EIF2A: variants seen among roughly 807,000 people sequenced by gnomAD.
The protein encoded by EIF2A is eukaryotic translation initiation factor 2A.
Under a neutral mutation model 75.2 loss-of-function variants are expected in EIF2A, and 62 were observed. The observed-to-expected ratio is 0.82, with a 90% CI of 0.67 to 1.02. The LOEUF is 1.02. EIF2A is among the 50% of genes least tolerant of loss of function. The pLI, the probability that EIF2A is intolerant of heterozygous loss-of-function variation, is 0.00. For missense variants in EIF2A, 611 were observed against 677.7 expected (o/e 0.90, Z 1.09); for synonymous variants, 207 against 239.0 (o/e 0.87, Z 1.23).
rs551415422 is a variant in EIF2A at position 150,578,315 on chromosome 3, T to C, written c.1497+2553T>C. Among the ~76,000 whole-genome samples the C allele has an allele frequency of 2.7e-3, 401 of 148,512 alleles. 1 individual carries two copies. The highest frequency in any genetic ancestry group is 4.5e-3 in the Non-Finnish European group (300 of 67,258). On this transcript the variant is annotated intron_variant, in intron 11 of 13. Transcript: ENST00000460851. ...ATTAATAATTATAACCATTAATTAATATACTAAATTATAATTGTATTAATT... is the reference window on the plus strand; with the variant it reads ...ATTAATAATTATAACCATTAATTAACATACTAAATTATAATTGTATTAATT...
chr3:150,567,992 G>A lies in EIF2A; in HGVS notation c.640G>A (p.Ala214Thr). Residue 214 changes from alanine to threonine, a missense_variant, in exon 8 of 14, where the codon GCT becomes ACT. Ala to Thr is a moderately conservative substitution (Grantham distance 58, BLOSUM62 0). Coordinates refer to ENST00000460851, the MANE Select transcript of EIF2A (RefSeq NM_032025.5). ...CTTTGCTGGACCTCATGCAGCTTTA[G>A]CTAATAAAAGTTTCTTTAAGGCAGA... ...PNFAGPHAALANKSFFKADKV... is the reference protein window; with the variant it reads ...PNFAGPHAALTNKSFFKADKV... 1 of 1,613,134 alleles carries A rather than the reference G, an allele frequency of 6.2e-7. No homozygotes were observed. Among genetic ancestry groups the A allele is most frequent in the African/African-American group, 1.3e-5 (1 of 74,986 alleles).
intron 11 of EIF2A, among the ~76,000 whole-genome samples, chr3:150,579,699 CT>C (rs1231793959): frequency 8.6e-6 from 1 of 115,668 alleles, no homozygotes; most frequent in Admixed American, 9.4e-5. Context: ...TAGACTCTGT[CT>C]CCAAAAAAAA....
intron 10 of EIF2A, among the ~76,000 whole-genome samples, chr3:150,573,013 A>G (rs142038672): frequency 3.3e-5 from 5 of 152,120 alleles, no homozygotes; most frequent in African/African-American, 1.2e-4. Flanking sequence ...TGTATTTATC[A>G]TATTTATTTA....
intron 10 of EIF2A, among the ~76,000 whole-genome samples, chr3:150,574,171 A>C (rs1490716630): frequency 6.6e-6 from 1 of 152,168 alleles, no homozygotes; most frequent in African/African-American, 2.4e-5. Flanking sequence ...TGAGAAATTA[A>C]AATGTGTTCA....
chr3:150,583,825 CA>C lies in EIF2A; in HGVS notation c.1693-20del. Reference sequence around the variant, plus strand: ...TCCAGTAATTATTTCATAATAACTTCATTGTTTCAAACTTTTCTAGTTGGAG... The same window carrying C: ...TCCAGTAATTATTTCATAATAACTTCTTGTTTCAAACTTTTCTAGTTGGAG... On this transcript the variant is annotated intron_variant, in intron 13 of 13. Transcript: ENST00000460851. 1 of 1,610,174 alleles carries C rather than the reference CA, an allele frequency of 6.2e-7. No homozygotes were observed. Among genetic ancestry groups the C allele is most frequent in the Non-Finnish European group, 8.5e-7 (1 of 1,177,602 alleles).
At chr3:150,547,193 A>G (rs1209453268) in intron 1 of EIF2A, 1 of 282,688 alleles carries the variant, frequency 3.5e-6, no homozygotes, top group African/African-American at 2.1e-5. Flanking sequence ...ATAAGAACAA[A>G]GACAAACATG....
At chr3:150,571,261 T>G (rs1172785917) in intron 9 of EIF2A, among the ~76,000 whole-genome samples, 3 of 151,282 alleles carry the variant, frequency 2.0e-5, no homozygotes, top group Admixed American at 6.6e-5. Context: ...TGCCTCAGCC[T>G]CCTGAGTAGC....
rs780875918 is a variant in EIF2A, at chr3:150,568,234, T to C, written c.753T>C (p.Tyr251=). ...TTGACAAGACAGGAGCTTCCTACTA[T>C]GGAGAACAAACTCTACACTACATTG... The part of the protein sequence containing the change: ...TDVDKTGASY[Y]GEQTLHYIAT... The change falls in exon 9 of 14, where the codon TAT becomes TAC. Residue 251 remains tyrosine (Y), a synonymous_variant. Transcript: ENST00000460851. The C allele has an allele frequency of 6.8e-6, 11 of 1,613,700 alleles. No homozygotes were observed. Among genetic ancestry groups the C allele is most frequent in the East Asian group, 2.2e-5 (1 of 44,846 alleles).
At position 150,558,366 on chromosome 3, in the gene EIF2A, CTT is replaced by C. The variant is rs11379788; in HGVS notation, c.99-13_99-12del. 6.0e-6 allele frequency: 8 copies of C among 1,335,766 alleles called. No homozygotes were observed. Among genetic ancestry groups the C allele is most frequent in the Admixed American group, 6.5e-5 (2 of 30,970 alleles). The allele number at this position is 1,335,766 out of a possible 1,614,324, so 82.7% of individuals were successfully genotyped here. A position where few individuals can be genotyped will look rare whatever the true frequency, so the allele number is the denominator to read the frequency against. On this transcript the variant is annotated intron_variant, in intron 2 of 13. Coordinates refer to ENST00000460851, the MANE Select transcript of EIF2A (RefSeq NM_032025.5). ...AGTATTAATGCTTATTCATTTAAAC[CTT>C]TTTTTTTTGTCATTTTCAGGGAATC...
At chr3:150,560,166 G>T (rs1011796219) in intron 3 of EIF2A, among the ~76,000 whole-genome samples, 38 of 152,030 alleles carry the variant, frequency 2.5e-4, no homozygotes, top group Admixed American at 7.9e-4. Flanking sequence ...CCTTCTATGG[G>T]ATTCAACTCT....
intron 3 of EIF2A, among the ~76,000 whole-genome samples, chr3:150,560,283 C>T (rs1723781132): frequency 6.6e-6 from 1 of 152,132 alleles, no homozygotes; most frequent in Admixed American, 6.5e-5. Context: ...CACAATGGTA[C>T]TTATTGTTCT....
intron 2 of EIF2A, chr3:150,553,006 A>T (rs1233725375): frequency 6.6e-6 from 1 of 152,244 alleles, no homozygotes; most frequent in Non-Finnish European, 1.5e-5. Flanking sequence ...GGACCATATA[A>T]TTGTTTTAAA....
rs1436388356 is a variant in EIF2A at position 150,547,090 on chromosome 3, G to T, written c.28+260G>T. On this transcript the variant is annotated intron_variant, in intron 1 of 13. Transcript: ENST00000460851. ...TTCATCTTCTACAGAAATAGAAGAA[G>T]GGGGAGAAAAACAATGTGCTAGTTG... The T allele has an allele frequency of 5.4e-6, 3 of 550,806 alleles. No homozygotes were observed. The African/African-American group carries it at 5.7e-5, about 10-fold the overall frequency. 34.1% of individuals were successfully genotyped at this position (550,806 alleles called of 1,614,324 possible). A position where few individuals can be genotyped will look rare whatever the true frequency, so the allele number is the denominator to read the frequency against.
At chr3:150,559,498 C>CTTTTTT (rs36038911) in intron 3 of EIF2A, among the ~76,000 whole-genome samples, 4 of 110,574 alleles carry the variant, frequency 3.6e-5, no homozygotes, top group Non-Finnish European at 7.0e-5. Flanking sequence ...ATGCCCAGCC[C>CTTTTTT]TTTTTTTTTT....
chr3:150,560,525 A>G (rs1723792673), intron 3 of EIF2A, among the ~76,000 whole-genome samples: 1 of 152,220 alleles, frequency 6.6e-6, no homozygotes, highest in African/African-American at 2.4e-5. Flanking sequence ...AAAACAAGAA[A>G]GCGTCTTGTA....
chr3:150,573,939 G>A (rs1428023113), intron 10 of EIF2A, among the ~76,000 whole-genome samples: 1 of 152,136 alleles, frequency 6.6e-6, no homozygotes, highest in Non-Finnish European at 1.5e-5. Context: ...GTCCGGTGTG[G>A]GGGTTTCGAT....
At chr3:150,579,881 C>T (rs938330440) in intron 11 of EIF2A, among the ~76,000 whole-genome samples, 12 of 149,766 alleles carry the variant, frequency 8.0e-5, no homozygotes, top group East Asian at 1.9e-4. Flanking sequence ...GTTATGGAGA[C>T]CTGGAGCATT....
chr3:150,585,106 G>C lies in EIF2A; in HGVS notation c.*1195G>C, dbSNP rs1241249637. Reference sequence around the variant, plus strand: ...GTCTCACTCTGCCTCCCAGGTTGGAGTGCACCTTGAACTCCTGGACTCAAG... The same window carrying C: ...GTCTCACTCTGCCTCCCAGGTTGGACTGCACCTTGAACTCCTGGACTCAAG... On this transcript the variant is annotated 3_prime_UTR_variant, in exon 14 of 14. Coordinates refer to ENST00000460851, the MANE Select transcript of EIF2A (RefSeq NM_032025.5). Among the ~76,000 whole-genome samples the C allele has an allele frequency of 6.6e-6, 1 of 152,120 alleles. No individual in the cohort carries two copies. Among genetic ancestry groups the C allele is most frequent in the African/African-American group, 2.4e-5 (1 of 41,418 alleles).
chr3:150,564,372 AACAATTTTAGT>A lies in EIF2A; in HGVS notation c.468_475+3del. On this transcript the variant is annotated splice_donor_variant and coding_sequence_variant, in exon 6 of 14. Transcript: ENST00000460851. LOFTEE classifies it high-confidence loss of function. Reference sequence around the variant, plus strand: ...CAATGAAGTTCACTTCTTTGAAAACAACAATTTTAGTATGGAAAGATTTATGACATAATTTT... The same window carrying A: ...CAATGAAGTTCACTTCTTTGAAAACAATGGAAAGATTTATGACATAATTTT... The A allele has an allele frequency of 6.3e-7, 1 of 1,594,720 alleles. No homozygotes were observed. Among genetic ancestry groups the A allele is most frequent in the Non-Finnish European group, 8.5e-7 (1 of 1,171,868 alleles).
Sources: gnomAD v4.1 joint callset for allele counts (sites outside exome capture counted in the v4.1 genomes callset) on GRCh38, gnomAD v4.1.1 for gene constraint, MANE v1.5 for transcripts, NCBI Gene and HGNC (gene_info 2026-07-23, HGNC 2026-07-21) for gene names.